The following FAM178B variants were observed in gnomAD, a reference collection of about 807,000 sequenced individuals.
FAM178B encodes the protein family with sequence similarity 178 member B.
A neutral mutation model predicts 91.7 loss-of-function variants in FAM178B; 82 were observed. The observed-to-expected ratio is 0.89, with a 90% CI of 0.75 to 1.07. The LOEUF (loss-of-function observed/expected upper bound fraction) is 1.07. FAM178B is among the 50% of genes least tolerant of loss of function. The pLI, the probability that FAM178B is intolerant of heterozygous loss-of-function variation, is 0.00. For synonymous variants in FAM178B, 368 were observed against 359.4 expected (o/e 1.02, Z -0.27); for missense variants, 769 against 846.7 (o/e 0.91, Z 1.14).
intron 6 of FAM178B, among the ~76,000 whole-genome samples, chr2:96,957,149 G>A (rs925833086): frequency 7.2e-5 from 11 of 152,080 alleles, no homozygotes; most frequent in African/African-American, 1.4e-4. Flanking sequence ...ACCATGCCCC[G>A]GCTGACTGCT....
intron 13 of FAM178B, 93 bp downstream of exon 13, chr2:96,902,527 T>C: frequency 1.2e-6 from 1 of 846,690 alleles, no homozygotes; most frequent in Admixed American, 2.1e-5. Flanking sequence ...AGAGCCAGCT[T>C]AGCTCTGGGG....
intron 1 of FAM178B, 62 bp from the exon 2 acceptor site, chr2:96,972,668 C>T (rs962802304): frequency 2.7e-5 from 39 of 1,470,954 alleles, no homozygotes; most frequent in Non-Finnish European, 3.6e-5. Flanking sequence ...GTTCTAAACC[C>T]CGTGATTCCC....
chr2:96,964,175 AAAAAT>A (rs2082116178), intron 5 of FAM178B, among the ~76,000 whole-genome samples: 1 of 150,480 alleles, frequency 6.6e-6, no homozygotes, highest in African/African-American at 2.5e-5. Flanking sequence ...ATCTTGGGGG[AAAAAT>A]AAAATAAAAG....
chr2:96,965,795 A>G (rs1306526943), intron 5 of FAM178B, among the ~76,000 whole-genome samples: 1 of 151,708 alleles, frequency 6.6e-6, no homozygotes, highest in Admixed American at 6.6e-5. Context: ...GATAACTCCA[A>G]CCTTCCAGTT....
At chr2:96,936,910 G>A (rs1247111197) in intron 8 of FAM178B, among the ~76,000 whole-genome samples, 1 of 152,046 alleles carries the variant, frequency 6.6e-6, no homozygotes, top group Admixed American at 6.6e-5. Flanking sequence ...GATGATGGTG[G>A]TTGCTCTCAT....
At position 96,972,543 on chromosome 2, in the gene FAM178B, C is replaced by G; in HGVS notation, c.137G>C (p.Arg46Thr). ...TGCAGGTGAGAGACGCCTACCTTCT[C>G]TCAGAGGAAGGGCTAGCACCGTCTC... ...PQETVLALPLREGVQAAATVP... is the reference protein window; with the variant it reads ...PQETVLALPLTEGVQAAATVP... Residue 46 changes from arginine (R) to threonine (T), a missense_variant, in exon 2 of 17, where the codon AGA (arginine) becomes ACA (threonine). Coordinates refer to ENST00000490605, the MANE Select transcript of FAM178B (RefSeq NM_001122646.3). 6.4e-7 allele frequency: 1 copy of G among 1,551,710 alleles called. No homozygotes were observed. The highest frequency in any genetic ancestry group is 8.7e-7 in the Non-Finnish European group (1 of 1,146,972).
intron 14 of FAM178B, among the ~76,000 whole-genome samples, chr2:96,889,943 A>G (rs2153368182): frequency 6.7e-6 from 1 of 149,274 alleles, no homozygotes; most frequent in East Asian, 2.0e-4. Flanking sequence ...GTTTGTGACC[A>G]GCCTGGGCAA....
chr2:96,924,434 G>A (rs769325268), intron 9 of FAM178B, among the ~76,000 whole-genome samples: 6 of 152,212 alleles, frequency 3.9e-5, no homozygotes, highest in Non-Finnish European at 7.3e-5. Flanking sequence ...CCCGAGTGAC[G>A]GACCCAATCT....
At chr2:96,888,350 G>T (rs1361721285) in intron 14 of FAM178B, among the ~76,000 whole-genome samples, 3 of 152,238 alleles carry the variant, frequency 2.0e-5, no homozygotes, top group African/African-American at 7.2e-5. Context: ...GCCCAGTGGG[G>T]CAGTAAGGAA....
At chr2:96,934,576 A>G (rs532675475) in intron 8 of FAM178B, among the ~76,000 whole-genome samples, 39 of 152,322 alleles carry the variant, frequency 2.6e-4, no homozygotes, top group African/African-American at 3.4e-4. Flanking sequence ...TTTTAAAAAC[A>G]TGCACATTTT....
intron 12 of FAM178B, among the ~76,000 whole-genome samples, chr2:96,905,846 A>ATGTGTGTGTGTG (rs1559064237): frequency 3.7e-4 from 10 of 26,922 alleles, no homozygotes; most frequent in Admixed American, 1.0e-3. Context: ...ATATATATAT[A>ATGTGTGTGTGTG]TATATATATA....
intron 7 of FAM178B, among the ~76,000 whole-genome samples, chr2:96,950,413 G>A (rs933206039): frequency 1.3e-5 from 2 of 152,188 alleles, no homozygotes; most frequent in Non-Finnish European, 2.9e-5. Flanking sequence ...GAGGAGCAAG[G>A]TGAAGGACCC....
chr2:96,958,327 C>T (rs1170187685), intron 6 of FAM178B, among the ~76,000 whole-genome samples: 1 of 152,120 alleles, frequency 6.6e-6, no homozygotes, highest in Non-Finnish European at 1.5e-5. Flanking sequence ...GCCTCGGCCT[C>T]CCAAAGTGTT....
intron 13 of FAM178B, among the ~76,000 whole-genome samples, chr2:96,896,237 T>C (rs888400774): frequency 6.6e-6 from 1 of 152,196 alleles, no homozygotes; most frequent in Non-Finnish European, 1.5e-5. Context: ...ACAGCACTCT[T>C]GCGATGCTTG....
At chr2:96,883,940 G>A (rs977134184) in intron 14 of FAM178B, among the ~76,000 whole-genome samples, 4 of 152,162 alleles carry the variant, frequency 2.6e-5, no homozygotes, top group Non-Finnish European at 5.9e-5. Flanking sequence ...TATCATCATT[G>A]CCACACACGA....
At chr2:96,909,361 G>A (rs1297269833) in intron 12 of FAM178B, among the ~76,000 whole-genome samples, 4 of 152,042 alleles carry the variant, frequency 2.6e-5, no homozygotes, top group Admixed American at 2.0e-4. Context: ...GCCCTTCTGG[G>A]ACTTCCACTC....
intron 13 of FAM178B, among the ~76,000 whole-genome samples, chr2:96,899,642 C>A (rs1360296578): frequency 6.6e-6 from 1 of 151,690 alleles, no homozygotes; most frequent in Non-Finnish European, 1.5e-5. Flanking sequence ...TGGCTCACTG[C>A]AGCCTTGACC....
At chr2:96,963,833 T>C (rs2082112331) in intron 5 of FAM178B, among the ~76,000 whole-genome samples, 1 of 152,184 alleles carries the variant, frequency 6.6e-6, no homozygotes, top group Non-Finnish European at 1.5e-5. Flanking sequence ...ATATTTGCTA[T>C]TTACAAACTT....
chr2:96,890,811 G>C (rs1474507596), intron 14 of FAM178B, among the ~76,000 whole-genome samples: 2 of 152,050 alleles, frequency 1.3e-5, no homozygotes, highest in Non-Finnish European at 2.9e-5. Context: ...TCTCCCACAG[G>C]AAAACACCCT....
Sources: allele counts gnomAD v4.1 joint callset (sites outside exome capture counted in the v4.1 genomes callset), GRCh38; gene constraint gnomAD v4.1.1; transcripts MANE v1.5; gene names NCBI Gene and HGNC (gene_info 2026-07-23, HGNC 2026-07-21).